ADAMTSL1: variants seen among roughly 807,000 people sequenced by gnomAD.
ADAMTSL1 encodes the protein ADAMTS like 1, also known as ADAMTS-like protein 1.
In ADAMTSL1, 126 loss-of-function variants were observed where a neutral mutation model predicts 201.8. The observed-to-expected ratio is 0.62, with a 90% CI of 0.54 to 0.72. The LOEUF is 0.72. ADAMTSL1 is among the 30% of genes least tolerant of loss of function. The pLI is 0.00. For synonymous variants in ADAMTSL1, 1,121 were observed against 903.4 expected (o/e 1.24, Z -4.32); for missense variants, 2,679 against 2,277.8 (o/e 1.18, Z -3.59).
intron 1 of ADAMTSL1, among the ~76,000 whole-genome samples, chr9:18,136,440 A>G (rs7031711): frequency 0.39 from 58,689 of 151,834 alleles, 12,908 homozygotes; most frequent in East Asian, 0.49. Flanking sequence ...CTATAATATT[A>G]ACACGAAAAA....
intron 1 of ADAMTSL1, among the ~76,000 whole-genome samples, chr9:18,060,558 G>T (rs1339792314): frequency 6.6e-6 from 1 of 152,130 alleles, no homozygotes; most frequent in Non-Finnish European, 1.5e-5. Context: ...ATTTGGCAAA[G>T]AAACAAGAAA....
chr9:18,297,244 G>T (rs1008305058), intron 2 of ADAMTSL1, among the ~76,000 whole-genome samples: 1 of 152,172 alleles, frequency 6.6e-6, no homozygotes, highest in Non-Finnish European at 1.5e-5. Context: ...CAGTATTAAA[G>T]TGTATAGATA....
intron 2 of ADAMTSL1, among the ~76,000 whole-genome samples, chr9:18,252,430 A>T (rs1327047671): frequency 6.6e-6 from 1 of 152,162 alleles, no homozygotes; most frequent in South Asian, 2.1e-4. Context: ...AAATCCTTGA[A>T]TGTTCAAGTC....
chr9:18,800,377 CAAAAAAAAAAAA>C (rs58346548), intron 20 of ADAMTSL1, among the ~76,000 whole-genome samples: 5 of 60,670 alleles, frequency 8.2e-5, no homozygotes, highest in East Asian at 9.0e-4. Flanking sequence ...AACTCCATCT[CAAAAAAAAAAAA>C]AAAAAAAAAA....
chr9:17,950,557 A>G (rs1199743392), intron 1 of ADAMTSL1, among the ~76,000 whole-genome samples: 1 of 151,468 alleles, frequency 6.6e-6, no homozygotes, highest in African/African-American at 2.4e-5. Flanking sequence ...TATATGCTAC[A>G]TAAAGCAACC....
chr9:18,623,633 T>C lies in ADAMTSL1; in HGVS notation c.601+1264T>C, dbSNP rs183584848. On this transcript the variant is annotated intron_variant, in intron 5 of 28. Transcript: ENST00000380548. The stretch of plus-strand genomic sequence containing the variant: ...GGTACCTACGCCAAAAATTGAGTCA[T>C]TAATCTGAGGCATTTTATGATACAC... 2.0e-5 allele frequency among the ~76,000 whole-genome samples: 3 copies of C among 152,272 alleles called. No homozygotes were observed. The East Asian group carries it at 5.8e-4, about 29-fold the overall frequency.
chr9:18,587,865 C>A (rs1823616204), intron 4 of ADAMTSL1, among the ~76,000 whole-genome samples: 1 of 152,058 alleles, frequency 6.6e-6, no homozygotes, highest in East Asian at 1.9e-4. Flanking sequence ...GTGTCATAAC[C>A]ATTTATTAAT....
intron 2 of ADAMTSL1, among the ~76,000 whole-genome samples, chr9:18,260,221 C>G (rs1055038112): frequency 6.6e-6 from 1 of 152,212 alleles, no homozygotes; most frequent in African/African-American, 2.4e-5. Flanking sequence ...AAGCCCCCTG[C>G]TGAGTCTTCT....
chr9:18,043,018 C>G (rs187675225), intron 1 of ADAMTSL1, among the ~76,000 whole-genome samples: 2 of 152,098 alleles, frequency 1.3e-5, no homozygotes. Context: ...CTTTGTAAGA[C>G]AAAAAGTAAG....
At chr9:18,760,587 G>A (rs899349056) in intron 16 of ADAMTSL1, among the ~76,000 whole-genome samples, 11 of 152,178 alleles carry the variant, frequency 7.2e-5, no homozygotes, top group African/African-American at 2.7e-4. Flanking sequence ...TGCTGCCTGA[G>A]TCATTTTCTA....
chr9:18,658,013 C>G (rs1554723891), intron 8 of ADAMTSL1, among the ~76,000 whole-genome samples: 1 of 148,872 alleles, frequency 6.7e-6, no homozygotes, highest in Non-Finnish European at 1.5e-5. Flanking sequence ...CTCGCACTGT[C>G]GCCCAGGCTG....
chr9:18,560,490 G>A (rs1269440968), intron 3 of ADAMTSL1, among the ~76,000 whole-genome samples: 1 of 152,128 alleles, frequency 6.6e-6, no homozygotes, highest in Non-Finnish European at 1.5e-5. Flanking sequence ...TTGTTTATCT[G>A]CCAGGCTTTG....
At chr9:18,360,102 G>A (rs1836451576) in intron 2 of ADAMTSL1, among the ~76,000 whole-genome samples, 2 of 152,044 alleles carry the variant, frequency 1.3e-5, no homozygotes, top group Admixed American at 6.6e-5. Flanking sequence ...GAAGTCAGAT[G>A]TGGTTTCCTA....
intron 2 of ADAMTSL1, among the ~76,000 whole-genome samples, chr9:18,315,764 G>A (rs1486580453): frequency 6.6e-6 from 1 of 152,208 alleles, no homozygotes; most frequent in Non-Finnish European, 1.5e-5. Context: ...AGCCAACCTA[G>A]AGAGGGGCTC....
chr9:18,166,310 C>A (rs772268100), intron 2 of ADAMTSL1, among the ~76,000 whole-genome samples: 2 of 151,800 alleles, frequency 1.3e-5, no homozygotes, highest in African/African-American at 2.4e-5. Flanking sequence ...AGAGAATAGT[C>A]GTGGTGAGAA....
chr9:18,115,378 C>T (rs1290347872), intron 1 of ADAMTSL1, among the ~76,000 whole-genome samples: 2 of 152,088 alleles, frequency 1.3e-5, no homozygotes, highest in African/African-American at 4.8e-5. Flanking sequence ...CCTGGCATGC[C>T]TCAGAAACTA....
chr9:18,108,187 G>C (rs1202747876), intron 1 of ADAMTSL1, among the ~76,000 whole-genome samples: 1 of 147,350 alleles, frequency 6.8e-6, no homozygotes, highest in African/African-American at 2.6e-5. Context: ...TTAAAAGCAA[G>C]AGTGTGGAAT....
chr9:18,139,007 C>A (rs932483036), intron 1 of ADAMTSL1, among the ~76,000 whole-genome samples: 1 of 152,042 alleles, frequency 6.6e-6, no homozygotes, highest in Admixed American at 6.6e-5. Flanking sequence ...CACTAAGGAA[C>A]CTTGCAGGAG....
intron 2 of ADAMTSL1, among the ~76,000 whole-genome samples, chr9:18,507,380 C>A (rs138678572): frequency 0.012 from 1,780 of 152,224 alleles, 22 homozygotes; most frequent in Non-Finnish European, 0.018. Context: ...TGTAGAAAAT[C>A]TGCATCTCCA....
Sources: allele counts gnomAD v4.1 joint callset (sites outside exome capture counted in the v4.1 genomes callset), GRCh38; gene constraint gnomAD v4.1.1; transcripts MANE v1.5; gene names NCBI Gene and HGNC (gene_info 2026-07-23, HGNC 2026-07-21).